The following WDR7 variants were observed in gnomAD, a reference collection of about 807,000 sequenced individuals.
WDR7 encodes WD repeat domain 7.
In WDR7, 46 loss-of-function variants were observed where a neutral mutation model predicts 169.4. That is an observed-to-expected ratio of 0.27 (90% CI 0.21 to 0.35). The LOEUF is 0.35. WDR7 is among the 10% of genes least tolerant of loss of function. The pLI is 1.00. For synonymous variants in WDR7, 612 were observed against 666.8 expected, an observed-to-expected ratio of 0.92 and a Z score of 1.27; for missense variants, 1,534 against 1,859.3, an observed-to-expected ratio of 0.83 and a Z score of 3.22.
chr18:57,030,290 C>T (rs547571164), downstream of WDR7: 1 of 152,204 alleles, frequency 6.6e-6, no homozygotes, highest in Non-Finnish European at 1.5e-5. Context: ...TACTTCTTGT[C>T]TCTTAATTAT....
intron 26 of WDR7, among the ~76,000 whole-genome samples, chr18:57,017,750 A>G (rs1319434772): frequency 6.6e-6 from 1 of 152,218 alleles, no homozygotes; most frequent in Non-Finnish European, 1.5e-5. Flanking sequence ...TTATTGTTAC[A>G]TGATAAATGA....
At chr18:56,760,284 C>G (rs2043961564) in intron 16 of WDR7, among the ~76,000 whole-genome samples, 1 of 152,156 alleles carries the variant, frequency 6.6e-6, no homozygotes. Context: ...CTTGTTCCTT[C>G]CCAATCATCA....
intron 19 of WDR7, among the ~76,000 whole-genome samples, chr18:56,796,060 G>A (rs1421266): frequency 0.57 from 87,325 of 152,060 alleles, 26,311 homozygotes; most frequent in South Asian, 0.69. Context: ...AATCACAACA[G>A]TACCATTTAG....
intron 18 of WDR7, among the ~76,000 whole-genome samples, chr18:56,780,757 G>T (rs775866851): frequency 1.2e-4 from 19 of 152,294 alleles, no homozygotes; most frequent in African/African-American, 4.3e-4. Context: ...CCGAGATCAC[G>T]CCATGGCACT....
intron 14 of WDR7, among the ~76,000 whole-genome samples, chr18:56,750,466 A>G (rs2043774621): frequency 6.6e-6 from 1 of 152,192 alleles, no homozygotes; most frequent in African/African-American, 2.4e-5. Flanking sequence ...ATAAGGACAG[A>G]GGCTTTATTT....
intron 7 of WDR7, 65 bp from the exon 8 acceptor site, chr18:56,691,151 A>G: frequency 6.5e-7 from 1 of 1,538,576 alleles, no homozygotes; most frequent in Non-Finnish European, 8.7e-7. Flanking sequence ...TAAACTTGAA[A>G]TGTCACTGGA....
intron 12 of WDR7, among the ~76,000 whole-genome samples, chr18:56,704,964 C>T (rs2025916213): frequency 6.6e-6 from 1 of 152,086 alleles, no homozygotes; most frequent in Non-Finnish European, 1.5e-5. Flanking sequence ...AATCATAGGA[C>T]AATTTCAAAA....
At chr18:56,985,788 T>C (rs1169450349) in intron 26 of WDR7, among the ~76,000 whole-genome samples, 1 of 152,122 alleles carries the variant, frequency 6.6e-6, no homozygotes, top group East Asian at 1.9e-4. Flanking sequence ...TGATGGAAAT[T>C]ATAGCATGTC....
intron 14 of WDR7, among the ~76,000 whole-genome samples, chr18:56,754,247 T>TTGTGTGTGTGTGTGTG (rs71169393): frequency 7.1e-6 from 1 of 141,632 alleles, no homozygotes; most frequent in African/African-American, 2.7e-5. Context: ...GTTTTGTGCT[T>TTGTGTGTGTGTGTGTG]TGTGTGTGTG....
intron 19 of WDR7, among the ~76,000 whole-genome samples, chr18:56,812,690 G>C (rs545056847): frequency 7.9e-5 from 12 of 152,210 alleles, no homozygotes; most frequent in African/African-American, 2.9e-4. Context: ...GAGTCCAAAG[G>C]CTAGAGAACC....
rs146149858 is a variant in WDR7, at chr18:56,756,656, T to C, written c.2063T>C (p.Ile688Thr). 8 of 1,614,036 alleles carry C rather than the reference T, an allele frequency of 5.0e-6. No individual in the cohort carries two copies. The African/African-American group carries it at 1.1e-4, about 22-fold the overall frequency. Residue 688 changes from isoleucine to threonine, a missense_variant, in exon 15 of 28, where the codon ATA becomes ACA. Coordinates refer to ENST00000254442, the MANE Select transcript of WDR7 (RefSeq NM_015285.3). ...AAGACAAACCTAACAGACCCGGACA[T>C]ACATGTGCTATTCTTTGATGTGGAA... The part of the protein sequence containing the change: ...AIKTNLTDPD[I>T]HVLFFDVEAL...
chr18:56,930,685 G>A (rs1411890114), intron 22 of WDR7, among the ~76,000 whole-genome samples: 1 of 152,122 alleles, frequency 6.6e-6, no homozygotes, highest in Non-Finnish European at 1.5e-5. Context: ...GAATAAAATG[G>A]GAATACCAGG....
intron 21 of WDR7, among the ~76,000 whole-genome samples, chr18:56,900,080 G>GTATATATATA (rs772841290): frequency 5.1e-3 from 155 of 30,216 alleles, no homozygotes; most frequent in African/African-American, 9.1e-3. Context: ...GTGTGTGTGT[G>GTATATATATA]TGTATATATA....
intron 14 of WDR7, among the ~76,000 whole-genome samples, chr18:56,748,982 A>G (rs1292409455): frequency 6.6e-6 from 1 of 151,890 alleles, no homozygotes; most frequent in Non-Finnish European, 1.5e-5. Flanking sequence ...TCTAGTACTT[A>G]AAATATTTAA....
chr18:56,813,494 T>C (rs2044911241), intron 19 of WDR7, among the ~76,000 whole-genome samples: 1 of 152,044 alleles, frequency 6.6e-6, no homozygotes, highest in African/African-American at 2.4e-5. Context: ...GAATGGATGT[T>C]GAATTTTGTC....
rs529462221 is a variant in WDR7 at position 56,817,767 on chromosome 18, A to T, written c.3304+1623A>T. On this transcript the variant is annotated intron_variant, in intron 20 of 27. Transcript: ENST00000254442. ...TTGCAGATTTTTTTTTTTTTTTGAGATGGAGTCTTGCTTTGTTGCCCAGGT... is the reference window on the plus strand; with the variant it reads ...TTGCAGATTTTTTTTTTTTTTTGAGTTGGAGTCTTGCTTTGTTGCCCAGGT... 5.4e-4 allele frequency among the ~76,000 whole-genome samples: 80 copies of T among 148,276 alleles called. 1 individual carries two copies. Among genetic ancestry groups the T allele is most frequent in the African/African-American group, 1.8e-3 (72 of 39,978 alleles).
intron 12 of WDR7, among the ~76,000 whole-genome samples, chr18:56,714,145 G>A (rs560154220): frequency 1.3e-5 from 2 of 152,086 alleles, no homozygotes; most frequent in South Asian, 4.2e-4. Context: ...TACTATATTG[G>A]GTCATTTCCA....
chr18:56,821,431 G>A (rs1369044870), intron 20 of WDR7, among the ~76,000 whole-genome samples: 1 of 152,128 alleles, frequency 6.6e-6, no homozygotes, highest in Non-Finnish European at 1.5e-5. Flanking sequence ...ATAGATCTGG[G>A]ATTAAAGTGA....
At chr18:56,758,293 C>T (rs950343346) in intron 15 of WDR7, among the ~76,000 whole-genome samples, 9 of 152,098 alleles carry the variant, frequency 5.9e-5, no homozygotes, top group African/African-American at 1.9e-4. Context: ...TTTATAAAAA[C>T]TAATTTGTTA....
Sources: gnomAD v4.1 joint callset for allele counts (sites outside exome capture counted in the v4.1 genomes callset) on GRCh38, gnomAD v4.1.1 for gene constraint, MANE v1.5 for transcripts, NCBI Gene and HGNC (gene_info 2026-07-23, HGNC 2026-07-21) for gene names.